ZNF451: variants seen among roughly 807,000 people sequenced by gnomAD.
ZNF451 encodes the protein E3 SUMO-protein ligase ZNF451.
ZNF451 carries 80 observed loss-of-function variants against 107.1 expected under a neutral mutation model. The ratio of observed to expected loss-of-function variants is 0.75; its 90% CI spans 0.62 to 0.90. ZNF451 has a LOEUF of 0.90. Among genes scored for constraint, ZNF451 ranks in the 40% least tolerant of loss-of-function variants. ZNF451 has a pLI of 0.00. For synonymous variants in ZNF451, 362 were observed against 406.5 expected (o/e 0.89, Z 1.32); for missense variants, 1,107 against 1,236.2 (o/e 0.90, Z 1.57).
rs1184663647 is a variant in ZNF451, at chr6:57,138,737, ATATATGTGTGTGTGTGTG to A, written c.703-2563_703-2546del. 1.5e-4 allele frequency among the ~76,000 whole-genome samples: 14 copies of A among 91,278 alleles called. No homozygotes were observed. In the South Asian group the frequency reaches 3.3e-3, roughly 22 times the overall value. 59.9% of individuals were successfully genotyped at this position (91,278 alleles called of 152,430 possible). A position where few individuals can be genotyped will look rare whatever the true frequency, so the allele number is the denominator to read the frequency against. ...TATATATATATATATATATATATAT[ATATATGTGTGTGTGTGTG>A]TGTGTGTGTGTGTGTGTGTGTATAT... is the stretch of plus-strand genomic sequence containing the variant. On this transcript the variant is annotated intron_variant, in intron 7 of 14. Coordinates refer to ENST00000370706, the MANE Select transcript of ZNF451 (RefSeq NM_001031623.3).
chr6:57,092,807 A>G (rs994017211), intron 2 of ZNF451: 11 of 152,182 alleles, frequency 7.2e-5, no homozygotes, highest in African/African-American at 2.4e-4. Context: ...CCCAGGAGTT[A>G]TTCTGTGATT....
intron 3 of ZNF451, chr6:57,101,222 G>A (rs1240178301): frequency 5.8e-6 from 9 of 1,550,972 alleles, no homozygotes; most frequent in Admixed American, 2.0e-5. Flanking sequence ...GAACAAAGAG[G>A]TGTTATAAAA....
chr6:57,157,174 T>C (rs1281083959), intron 13 of ZNF451, among the ~76,000 whole-genome samples: 1 of 152,232 alleles, frequency 6.6e-6, no homozygotes, highest in African/African-American at 2.4e-5. Context: ...GAGTCTCTTA[T>C]TCTTTATAAG....
rs764972958 is a variant in ZNF451, at chr6:57,095,326, CTTTTTTT to C, written c.106-3718_106-3712del. 3.2e-4 allele frequency among the ~76,000 whole-genome samples: 35 copies of C among 107,786 alleles called. No individual in the cohort carries two copies. In the South Asian group the frequency reaches 8.7e-3, roughly 27 times the overall value. The allele number at this position is 107,786 out of a possible 152,430, so 70.7% of individuals were successfully genotyped here. Reference sequence around the variant, plus strand: ...TCTCAATTTTGGATTTTCTGTGATACTTTTTTTTTTTTTTTTTTTTTTTAAAGAGATA... The same window carrying C: ...TCTCAATTTTGGATTTTCTGTGATACTTTTTTTTTTTTTTTTAAAGAGATA... On this transcript the variant is annotated intron_variant, in intron 2 of 14. Coordinates refer to ENST00000370706, the MANE Select transcript of ZNF451 (RefSeq NM_001031623.3).
At chr6:57,109,051 T>C (rs1274236011) in intron 3 of ZNF451, 2 of 985,314 alleles carry the variant, frequency 2.0e-6, no homozygotes, top group East Asian at 2.3e-4. Flanking sequence ...CCTTTATGGC[T>C]TTACTGTCAC....
intron 3 of ZNF451, chr6:57,103,768 T>A (rs1489591335): frequency 2.0e-6 from 2 of 985,246 alleles, no homozygotes; most frequent in African/African-American, 3.5e-5. Context: ...TGGCTTCTGT[T>A]CTTGCCACAG....
At chr6:57,119,494 A>G (rs1593113459) in intron 3 of ZNF451, among the ~76,000 whole-genome samples, 2 of 152,178 alleles carry the variant, frequency 1.3e-5, no homozygotes, top group East Asian at 3.9e-4. Flanking sequence ...ACTGCACTCC[A>G]GCCTGGGTGA....
chr6:57,109,257 T>C, intron 3 of ZNF451: 1 of 985,448 alleles, frequency 1.0e-6, no homozygotes, highest in South Asian at 4.7e-5. Flanking sequence ...GAGTTTTTTC[T>C]TTGTTCAATG....
At chr6:57,115,107 A>C (rs1830302194) in intron 3 of ZNF451, 1 of 152,166 alleles carries the variant, frequency 6.6e-6, no homozygotes, top group South Asian at 2.1e-4. Flanking sequence ...AAAAATAAGA[A>C]AAACTTGCTG....
chr6:57,090,294 T>C lies in ZNF451; in HGVS notation c.21+20T>C, dbSNP rs1363396468. On this transcript the variant is annotated intron_variant, in intron 1 of 14. Transcript: ENST00000370706. ...TCGGAGGTGAGTAGTCGAGTGAGGG[T>C]CCTGGCGTTCTCAGAGGCGAACCGC... 1 of 1,610,056 alleles carries C rather than the reference T, an allele frequency of 6.2e-7. No individual in the cohort carries two copies. The highest frequency in any genetic ancestry group is 1.3e-5 in the African/African-American group (1 of 74,790).
At chr6:57,139,458 A>AT (rs1481104217) in intron 7 of ZNF451, among the ~76,000 whole-genome samples, 8 of 152,162 alleles carry the variant, frequency 5.3e-5, no homozygotes, top group Admixed American at 2.6e-4. Context: ...GTATAAATAA[A>AT]AATTTTTTAT....
At chr6:57,156,897 C>T (rs1411278206) in intron 13 of ZNF451, among the ~76,000 whole-genome samples, 1 of 152,138 alleles carries the variant, frequency 6.6e-6, no homozygotes, top group African/African-American at 2.4e-5. Context: ...GGTTTGTGCT[C>T]CTATGAGAAT....
chr6:57,151,189 G>GT (rs1381786253), intron 11 of ZNF451: 1 of 173,206 alleles, frequency 5.8e-6, no homozygotes, highest in Non-Finnish European at 1.2e-5. Flanking sequence ...GTGAAACCCC[G>GT]TCTCTACTAA....
At chr6:57,102,430 T>A in intron 3 of ZNF451, 1 of 1,011,928 alleles carries the variant, frequency 9.9e-7, no homozygotes. Flanking sequence ...GATGTGTTCC[T>A]CAGGAAAATC....
intron 9 of ZNF451, among the ~76,000 whole-genome samples, chr6:57,144,488 G>A (rs912141835): frequency 9.9e-5 from 15 of 151,892 alleles, no homozygotes; most frequent in Admixed American, 5.2e-4. Flanking sequence ...TGATCTGTCC[G>A]CCTCAGCCTC....
chr6:57,151,025 T>C, intron 11 of ZNF451, 163 bp downstream of exon 11: 2 of 834,804 alleles, frequency 2.4e-6, no homozygotes, highest in Non-Finnish European at 3.6e-6. Context: ...TTTCTTTACA[T>C]GCCTCTGTGG....
At position 57,141,499 on chromosome 6, in the gene ZNF451, C is replaced by T. The variant is rs200532577; in HGVS notation, c.856+44C>T. On this transcript the variant is annotated intron_variant, in intron 8 of 14. Coordinates refer to ENST00000370706, the MANE Select transcript of ZNF451 (RefSeq NM_001031623.3). ...CTGCTGAAAATTAAACTACTTGAAT[C>T]TTTGCTGATTTATCATACTTCTCAG... 169 of 1,534,064 alleles carry T rather than the reference C, an allele frequency of 1.1e-4. No homozygotes were observed. The African/African-American group carries it at 1.8e-3, about 17-fold the overall frequency.
intron 3 of ZNF451, among the ~76,000 whole-genome samples, chr6:57,114,172 CCTAAGAGAACTT>C (rs1368570843): frequency 6.6e-6 from 1 of 152,126 alleles, no homozygotes; most frequent in Non-Finnish European, 1.5e-5. Flanking sequence ...GTTAAACTTA[CCTAAGAGAACTT>C]ATCTTTGTGA....
chr6:57,108,426 T>C, intron 3 of ZNF451: 1 of 985,452 alleles, frequency 1.0e-6, no homozygotes, highest in Non-Finnish European at 1.2e-6. Flanking sequence ...TATGTTGTGG[T>C]CCCTTAATAC....
Sources: allele counts gnomAD v4.1 joint callset (sites outside exome capture counted in the v4.1 genomes callset), GRCh38; gene constraint gnomAD v4.1.1; transcripts MANE v1.5; gene names NCBI Gene and HGNC (gene_info 2026-07-23, HGNC 2026-07-21).